Variants in GSAP observed in about 807,000 individuals in gnomAD.
GSAP encodes gamma-secretase-activating protein.
A neutral mutation model predicts 131.7 loss-of-function variants in GSAP; 118 were observed. That is an observed-to-expected ratio of 0.90 (90% CI 0.77 to 1.04). The LOEUF is 1.04. Among genes scored for constraint, GSAP ranks in the 50% least tolerant of loss-of-function variants. The probability of loss-of-function intolerance (pLI) is 0.00; values close to 1 mark genes in which losing one functional copy is unlikely to be tolerated. For missense variants in GSAP, 1,019 were observed against 1,013.2 expected (o/e 1.01, Z -0.08); for synonymous variants, 381 against 363.4 (o/e 1.05, Z -0.55).
At chr7:77,343,371 T>TAC (rs1484460826) in intron 19 of GSAP, among the ~76,000 whole-genome samples, 2 of 152,244 alleles carry the variant, frequency 1.3e-5, no homozygotes, top group Non-Finnish European at 2.9e-5. Context: ...GCAAAAGGAC[T>TAC]ACGCATCAAT....
upstream of GSAP, chr7:77,416,351 G>GGGCCCCGCACCGCGGGCATTCCC (rs1323310422): frequency 8.8e-6 from 12 of 1,366,442 alleles, no homozygotes; most frequent in African/African-American, 1.2e-4. Context: ...GGCGGCTCTG[G>GGGCCCCGCACCGCGGGCATTCCC]GGCCCCGCAC....
intron 3 of GSAP, among the ~76,000 whole-genome samples, chr7:77,402,700 C>T (rs968747267): frequency 4.3e-5 from 4 of 93,454 alleles, no homozygotes; most frequent in African/African-American, 1.7e-4. Flanking sequence ...AAAAAAAAAA[C>T]ATATGGGCTG....
Position 77,355,656 on chromosome 7 carries a change from G to C in GSAP, c.1028-9C>G, listed in dbSNP as rs1793576559. ...AACAGCCACATAATAGTCTATAGAA[G>C]AGAAAGATTTACATCATCTACATGT... On this transcript the variant is annotated splice_polypyrimidine_tract_variant and intron_variant, in intron 14 of 30. Coordinates refer to ENST00000257626, the MANE Select transcript of GSAP (RefSeq NM_017439.4). 1 of 1,460,198 alleles carries C rather than the reference G, an allele frequency of 6.8e-7. No homozygotes were observed. 90.5% of individuals were successfully genotyped at this position (1,460,198 alleles called of 1,614,324 possible).
chr7:77,326,499 C>T (rs1788349049), intron 22 of GSAP: 1 of 438,854 alleles, frequency 2.3e-6, no homozygotes, highest in Non-Finnish European at 4.0e-6. Context: ...CATTCCTCAA[C>T]CCCAGTAGGC....
At position 77,376,865 on chromosome 7, in the gene GSAP, C is replaced by T; in HGVS notation, c.724G>A (p.Glu242Lys). Residue 242 changes from glutamate (E) to lysine (K), a missense_variant, in exon 10 of 31, where the codon GAG becomes AAG. Physicochemically the swap from Glu to Lys is moderately conservative, Grantham distance 56. Coordinates refer to ENST00000257626, the MANE Select transcript of GSAP (RefSeq NM_017439.4). ...ILKCIQFYAD[E>K]SYNLMFEVPL... ...GGACTTACCATTAAGTTATAGCTCT[C>T]ATCAGCATAAAACTGGATACATTTT... The T allele has an allele frequency of 1.4e-6, 2 of 1,480,224 alleles. No homozygotes were observed. The highest frequency in any genetic ancestry group is 2.4e-5 in the South Asian group (2 of 82,216). The allele number at this position is 1,480,224 out of a possible 1,614,324, so 91.7% of individuals were successfully genotyped here. A position where few individuals can be genotyped will look rare whatever the true frequency, so the allele number is the denominator to read the frequency against.
intron 12 of GSAP, among the ~76,000 whole-genome samples, chr7:77,369,969 G>A (rs1352658560): frequency 6.6e-6 from 1 of 151,762 alleles, no homozygotes; most frequent in Admixed American, 6.6e-5. Context: ...ACACACTGCC[G>A]AGAAGGGGAA....
intron 3 of GSAP, among the ~76,000 whole-genome samples, chr7:77,400,313 T>A (rs1801110304): frequency 6.6e-6 from 1 of 150,566 alleles, no homozygotes. Context: ...TAGTAAAGAG[T>A]TCCCTTTCCA....
chr7:77,387,563 A>T lies in GSAP; in HGVS notation c.368-115T>A, dbSNP rs147040038. 4 of 645,618 alleles carry T rather than the reference A, an allele frequency of 6.2e-6. No individual in the cohort carries two copies. In the East Asian group the frequency reaches 1.1e-4, roughly 18 times the overall value. The allele number at this position is 645,618 out of a possible 1,614,324, so 40.0% of individuals were successfully genotyped here. On this transcript the variant is annotated intron_variant, in intron 5 of 30. Transcript: ENST00000257626. ...ATCCTACTACAGTGACTATAAACTAATAAAACAATTCTACCACCATCCTAG... is the reference window on the plus strand; with the variant it reads ...ATCCTACTACAGTGACTATAAACTATTAAAACAATTCTACCACCATCCTAG...
chr7:77,394,686 C>T (rs1282206457), intron 5 of GSAP, among the ~76,000 whole-genome samples: 4 of 152,192 alleles, frequency 2.6e-5, no homozygotes, highest in African/African-American at 9.7e-5. Flanking sequence ...TTTTAAGCTG[C>T]TTGGAGTACA....
At chr7:77,329,187 A>AGT (rs1462797791) in intron 21 of GSAP, 146 bp downstream of exon 21, 5 of 482,144 alleles carry the variant, frequency 1.0e-5, no homozygotes, top group Non-Finnish European at 1.8e-5. Context: ...ATAGGGTCCA[A>AGT]GTGGCTGCAT....
At chr7:77,353,740 C>G in intron 16 of GSAP, 99 bp from the exon 17 acceptor site, 1 of 702,586 alleles carries the variant, frequency 1.4e-6, no homozygotes, top group Non-Finnish European at 2.5e-6. Flanking sequence ...GCATTCTATA[C>G]CTATTTTAGA....
chr7:77,355,120 A>G (rs1314895036), intron 16 of GSAP, 93 bp downstream of exon 16: 2 of 797,746 alleles, frequency 2.5e-6, no homozygotes, highest in African/African-American at 3.5e-5. Flanking sequence ...AATTGTTACT[A>G]AATAAAAATA....
At chr7:77,357,407 G>A (rs532514443) in intron 14 of GSAP, among the ~76,000 whole-genome samples, 1 of 152,188 alleles carries the variant, frequency 6.6e-6, no homozygotes, top group Non-Finnish European at 1.5e-5. Context: ...TATCCAGGTA[G>A]ACACAGGTAG....
chr7:77,393,755 C>A (rs1398862482), intron 5 of GSAP, among the ~76,000 whole-genome samples: 4 of 150,392 alleles, frequency 2.7e-5, no homozygotes, highest in Non-Finnish European at 5.9e-5. Flanking sequence ...CTCACGGCAA[C>A]CTTTATTTCC....
chr7:77,389,009 T>G (rs1364019136), intron 5 of GSAP, among the ~76,000 whole-genome samples: 1 of 152,132 alleles, frequency 6.6e-6, no homozygotes, highest in Non-Finnish European at 1.5e-5. Context: ...GATGAGTTAC[T>G]TTGGGAATCT....
chr7:77,370,822 C>G (rs1416164463), intron 12 of GSAP, among the ~76,000 whole-genome samples: 1 of 151,872 alleles, frequency 6.6e-6, no homozygotes, highest in Admixed American at 6.6e-5. Context: ...CTTCATGCTA[C>G]TAGACACAGT....
rs531611689 is a variant in GSAP, at chr7:77,401,614, A to T, written c.243+2945T>A. On this transcript the variant is annotated intron_variant, in intron 3 of 30. Transcript: ENST00000257626. ...TGGTTAAAAAAAGTTCTTGAAAGAG[A>T]AAGGACATGATAAAAGAGGAACCTT... Among the ~76,000 whole-genome samples the T allele has an allele frequency of 2.6e-5, 4 of 152,302 alleles. No individual in the cohort carries two copies. The East Asian group carries it at 7.7e-4, about 29-fold the overall frequency.
intron 3 of GSAP, among the ~76,000 whole-genome samples, chr7:77,398,137 A>C (rs1158208375): frequency 6.6e-6 from 1 of 152,206 alleles, no homozygotes; most frequent in African/African-American, 2.4e-5. Flanking sequence ...TCTCTTAAAG[A>C]ACACCCAGAG....
chr7:77,374,737 T>C (rs1030195130), intron 11 of GSAP, among the ~76,000 whole-genome samples: 2 of 152,204 alleles, frequency 1.3e-5, no homozygotes, highest in Non-Finnish European at 2.9e-5. Context: ...TTTTGATGTT[T>C]GATTGTCAAT....
Sources: gnomAD v4.1 joint callset for allele counts (sites outside exome capture counted in the v4.1 genomes callset) on GRCh38, gnomAD v4.1.1 for gene constraint, MANE v1.5 for transcripts, NCBI Gene and HGNC (gene_info 2026-07-23, HGNC 2026-07-21) for gene names.